DNAJC12: variants seen among roughly 807,000 people sequenced by gnomAD.
The protein encoded by DNAJC12 is DnaJ heat shock protein family (Hsp40) member C12, also known as dnaJ homolog subfamily C member 12.
In DNAJC12, 25 loss-of-function variants were observed where a neutral mutation model predicts 28.5. The ratio of observed to expected loss-of-function variants is 0.88; its 90% CI spans 0.64 to 1.22. The LOEUF (loss-of-function observed/expected upper bound fraction) is 1.22, where lower values mean the gene tolerates loss of function less well. DNAJC12 is among the 50% of genes most tolerant of loss of function. The pLI, the probability that DNAJC12 is intolerant of heterozygous loss-of-function variation, is 0.00. For synonymous variants in DNAJC12, 77 were observed against 80.6 expected (o/e 0.95, Z 0.24); for missense variants, 222 against 231.7 (o/e 0.96, Z 0.27).
intron 2 of DNAJC12, among the ~76,000 whole-genome samples, chr10:67,819,508 G>A (rs1025695045): frequency 4.8e-5 from 7 of 145,150 alleles, no homozygotes; most frequent in South Asian, 4.4e-4. Flanking sequence ...GTGTGATGGC[G>A]CACGCCTGTA....
At chr10:67,823,810 T>C (rs1268261686) in intron 1 of DNAJC12, among the ~76,000 whole-genome samples, 2 of 152,208 alleles carry the variant, frequency 1.3e-5, no homozygotes, top group Non-Finnish European at 2.9e-5. Flanking sequence ...TATATTTCTA[T>C]TTTGACTTTT....
In DNAJC12 at chr10:67,812,758, C is replaced by A. The variant is rs1253167288; in HGVS notation, c.158-1095G>T. ...ATTCCCAGCTACTCGGGGGCTGAGGCAGAGAATTGCTTGAACCTGGGAGGC... is the reference window on the plus strand; with the variant it reads ...ATTCCCAGCTACTCGGGGGCTGAGGAAGAGAATTGCTTGAACCTGGGAGGC... On this transcript the variant is annotated intron_variant, in intron 2 of 4. Transcript: ENST00000225171. 2.0e-5 allele frequency among the ~76,000 whole-genome samples: 3 copies of A among 150,146 alleles called. No homozygotes were observed. In the East Asian group the frequency reaches 5.9e-4, roughly 29 times the overall value.
At chr10:67,835,716 T>TCACACACACACA (rs1842135770) in intron 1 of DNAJC12, among the ~76,000 whole-genome samples, 3 of 54,874 alleles carry the variant, frequency 5.5e-5, no homozygotes, top group African/African-American at 2.6e-4. Flanking sequence ...AGAGAAAAAA[T>TCACACACACACA]GACACACACA....
At chr10:67,802,247 A>G (rs934778956) in intron 4 of DNAJC12, among the ~76,000 whole-genome samples, 3 of 152,204 alleles carry the variant, frequency 2.0e-5, no homozygotes, top group Non-Finnish European at 4.4e-5. Context: ...AGTAAATTAT[A>G]TGTGAAAATT....
intron 2 of DNAJC12, among the ~76,000 whole-genome samples, chr10:67,814,907 T>C (rs760474253): frequency 2.6e-5 from 4 of 152,222 alleles, no homozygotes; most frequent in Admixed American, 6.5e-5. Context: ...GGTGGGAATG[T>C]AAAGTGGTAT....
chr10:67,828,805 A>G (rs1313043383), intron 1 of DNAJC12, among the ~76,000 whole-genome samples: 1 of 152,166 alleles, frequency 6.6e-6, no homozygotes, highest in Non-Finnish European at 1.5e-5. Flanking sequence ...AGCTGTAAGA[A>G]GGTCCAAGAA....
At chr10:67,805,462 T>C (rs945684773) in intron 4 of DNAJC12, 121 bp downstream of exon 4, 18 of 1,067,090 alleles carry the variant, frequency 1.7e-5, no homozygotes, top group Middle Eastern at 2.2e-4. Context: ...TTTAAGATGA[T>C]AAACCAATCT....
intron 4 of DNAJC12, among the ~76,000 whole-genome samples, chr10:67,798,085 A>G (rs891577642): frequency 1.3e-5 from 2 of 151,302 alleles, no homozygotes; most frequent in African/African-American, 4.9e-5. Context: ...CAATAATTTT[A>G]CTCCTTGAAA....
intron 1 of DNAJC12, among the ~76,000 whole-genome samples, chr10:67,830,503 G>T (rs1842082281): frequency 6.7e-6 from 1 of 150,320 alleles, no homozygotes; most frequent in Admixed American, 6.7e-5. Flanking sequence ...AGCTATTCAG[G>T]AGGCTGAGGC....
intron 3 of DNAJC12, among the ~76,000 whole-genome samples, chr10:67,806,619 T>C (rs902506326): frequency 2.6e-5 from 4 of 150,976 alleles, no homozygotes; most frequent in Non-Finnish European, 5.9e-5. Context: ...AGGCAAGGAG[T>C]TCGAGACCAT....
intron 1 of DNAJC12, among the ~76,000 whole-genome samples, chr10:67,830,063 C>T (rs1045588755): frequency 3.3e-5 from 5 of 152,042 alleles, no homozygotes; most frequent in Non-Finnish European, 7.4e-5. Flanking sequence ...CCTGTAATCC[C>T]AGCACTTTGG....
chr10:67,804,193 C>T (rs1841776255), intron 4 of DNAJC12, among the ~76,000 whole-genome samples: 1 of 152,096 alleles, frequency 6.6e-6, no homozygotes, highest in Non-Finnish European at 1.5e-5. Context: ...ATATACAACA[C>T]ATCCAAACTA....
intron 1 of DNAJC12, among the ~76,000 whole-genome samples, chr10:67,827,938 T>C (rs1006549546): frequency 6.6e-6 from 1 of 152,172 alleles, no homozygotes; most frequent in Non-Finnish European, 1.5e-5. Flanking sequence ...TGGGTTAGTT[T>C]ATCTTGAACA....
intron 4 of DNAJC12, among the ~76,000 whole-genome samples, chr10:67,803,346 T>C (rs1350165325): frequency 6.6e-6 from 1 of 152,152 alleles, no homozygotes; most frequent in Non-Finnish European, 1.5e-5. Flanking sequence ...TCTTTACTTT[T>C]AAAGCTCTCA....
At chr10:67,819,763 GAAGGAAGGAAGGAAGGGGAA>G (rs1314783833) in intron 2 of DNAJC12, among the ~76,000 whole-genome samples, 138 of 23,730 alleles carry the variant, frequency 5.8e-3, no homozygotes, top group Middle Eastern at 0.033. Context: ...AGGAAGGAAG[GAAGGAAGGAAGGAAGGGGAA>G]GGAAGGAAGG....
intron 2 of DNAJC12, 81 bp downstream of exon 2, chr10:67,823,233 G>T: frequency 8.5e-7 from 1 of 1,177,414 alleles, no homozygotes; most frequent in Non-Finnish European, 1.3e-6. Flanking sequence ...AGAAAATTGA[G>T]AAAATTAAGT....
At chr10:67,801,391 G>A (rs1457063590) in intron 4 of DNAJC12, among the ~76,000 whole-genome samples, 1 of 152,150 alleles carries the variant, frequency 6.6e-6, no homozygotes, top group African/African-American at 2.4e-5. Context: ...CCAGCTTTAA[G>A]GCACTAGTCA....
chr10:67,819,917 G>A (rs985869472), intron 2 of DNAJC12, among the ~76,000 whole-genome samples: 5 of 152,092 alleles, frequency 3.3e-5, no homozygotes, highest in African/African-American at 1.2e-4. Flanking sequence ...AGACAAGCAG[G>A]GCGTCTGCCT....
At chr10:67,812,209 C>G (rs572263170) in intron 2 of DNAJC12, among the ~76,000 whole-genome samples, 4 of 152,064 alleles carry the variant, frequency 2.6e-5, no homozygotes, top group African/African-American at 9.6e-5. Flanking sequence ...GGAAGGAGCA[C>G]GGTGACTTAG....
Sources: gnomAD v4.1 joint callset for allele counts (sites outside exome capture counted in the v4.1 genomes callset) on GRCh38, gnomAD v4.1.1 for gene constraint, MANE v1.5 for transcripts, NCBI Gene and HGNC (gene_info 2026-07-23, HGNC 2026-07-21) for gene names.